Variants in AZI2 observed in about 807,000 individuals in gnomAD.
The protein encoded by AZI2 is 5-azacytidine-induced protein 2.
A neutral mutation model predicts 45.8 loss-of-function variants in AZI2; 22 were observed. The ratio of observed to expected loss-of-function variants is 0.48; its 90% CI spans 0.34 to 0.69. The LOEUF (loss-of-function observed/expected upper bound fraction) is 0.69, where lower values mean the gene tolerates loss of function less well. Ranked by LOEUF, AZI2 falls within the 30% of genes least tolerant of loss-of-function variation. AZI2 has a pLI of 0.01. For missense variants in AZI2, 417 were observed against 441.5 expected (o/e 0.94, Z 0.50); for synonymous variants, 137 against 156.7 (o/e 0.87, Z 0.94).
At position 28,338,019 on chromosome 3, in the gene AZI2, T is replaced by G. The variant is rs1048838143; in HGVS notation, c.357A>C (p.Glu119Asp). The G allele has an allele frequency of 1.3e-6, 2 of 1,585,764 alleles. No homozygotes were observed. The highest frequency in any genetic ancestry group is 2.7e-5 in the African/African-American group (2 of 74,118). Residue 119 changes from glutamate (E) to aspartate (D), a missense_variant, in exon 4 of 8, where the codon GAA (glutamate) becomes GAC (aspartate). Physicochemically the swap from Glu to Asp is conservative, Grantham distance 45. Coordinates refer to ENST00000479665, the MANE Select transcript of AZI2 (RefSeq NM_022461.5). The stretch of plus-strand genomic sequence containing the variant: ...GCTGCTCATTCAATACTTTCAAAGA[T>G]TCAGAGTTGTCTTTATTCTAGTTAA... The part of the protein sequence containing the change: ...KLDKMNKDNS[E>D]SLKVLNEQLQ...
intron 6 of AZI2, among the ~76,000 whole-genome samples, chr3:28,328,704 C>A (rs1009882810): frequency 5.3e-5 from 8 of 151,204 alleles, no homozygotes; most frequent in African/African-American, 1.9e-4. Context: ...GAATTTAAAA[C>A]TACAGATAGA....
intron 7 of AZI2, 125 bp downstream of exon 7, chr3:28,326,707 G>T: frequency 1.3e-6 from 1 of 793,630 alleles, no homozygotes; most frequent in East Asian, 2.5e-5. Context: ...GGTAGGCTGC[G>T]AATGTACTAT....
intron 5 of AZI2, among the ~76,000 whole-genome samples, chr3:28,336,267 T>C (rs1393043498): frequency 6.6e-6 from 1 of 152,108 alleles, no homozygotes; most frequent in Non-Finnish European, 1.5e-5. Flanking sequence ...GTATTAGTCT[T>C]TTGAAAATAA....
rs1703270835 is a variant in AZI2, at chr3:28,323,773, CAG to C, written c.*267_*268del. 1.5e-5 allele frequency: 4 copies of C among 261,078 alleles called. No homozygotes were observed. Among genetic ancestry groups the C allele is most frequent in the South Asian group, 3.1e-4 (2 of 6,410 alleles). 16.2% of individuals were successfully genotyped at this position (261,078 alleles called of 1,614,324 possible). A position where few individuals can be genotyped will look rare whatever the true frequency, so the allele number is the denominator to read the frequency against. ...AAAATTTTACAATTAATATAGAAGG[CAG>C]AGTTTTTTAAACACCTTAAGTTTAC... On this transcript the variant is annotated 3_prime_UTR_variant, in exon 8 of 8. Transcript: ENST00000479665.
intron 1 of AZI2, among the ~76,000 whole-genome samples, chr3:28,342,971 C>T (rs550238668): frequency 4.7e-4 from 72 of 152,036 alleles, no homozygotes; most frequent in African/African-American, 1.7e-3. Context: ...AAACAGATAC[C>T]CTGCAGTTTG....
rs1703861230 is a variant in AZI2, at chr3:28,337,951, A to G, written c.425T>C (p.Val142Ala). The G allele has an allele frequency of 6.3e-7, 1 of 1,579,384 alleles. No homozygotes were observed. The highest frequency in any genetic ancestry group is 1.7e-5 in the Admixed American group (1 of 57,274). The change falls in exon 4 of 8, where the codon GTG becomes GCG. Residue 142 changes from valine to alanine, a missense_variant. Physicochemically the swap from Val to Ala is moderately conservative, Grantham distance 64. Coordinates refer to ENST00000479665, the MANE Select transcript of AZI2 (RefSeq NM_022461.5). ...AACTGGCATACCCTGCTGAGTTTCCACCTCTGTCCTCAGCTGGAGGAGTTC... is the reference window on the plus strand; with the variant it reads ...AACTGGCATACCCTGCTGAGTTTCCGCCTCTGTCCTCAGCTGGAGGAGTTC... ...EVELLQLRTE[V>A]ETQQVMRNLN...
At position 28,321,500 on chromosome 3, in the gene AZI2, A is replaced by G. The variant is rs1057302765; in HGVS notation, c.*2542T>C. The G allele has an allele frequency of 2.0e-5, 3 of 151,484 alleles. No individual in the cohort carries two copies. The highest frequency in any genetic ancestry group is 3.4e-3 in the Middle Eastern group (1 of 294). 9.4% of individuals were successfully genotyped at this position (151,484 alleles called of 1,614,324 possible). A position where few individuals can be genotyped will look rare whatever the true frequency, so the allele number is the denominator to read the frequency against. On this transcript the variant is annotated 3_prime_UTR_variant, in exon 8 of 8. Coordinates refer to ENST00000479665, the MANE Select transcript of AZI2 (RefSeq NM_022461.5). Reference sequence around the variant, plus strand: ...ATTCATTGTAGCCTTCAGAATACCCATGTGTATCCATACTGAAGATTTTTT... The same window carrying G: ...ATTCATTGTAGCCTTCAGAATACCCGTGTGTATCCATACTGAAGATTTTTT...
intron 1 of AZI2, among the ~76,000 whole-genome samples, chr3:28,340,852 TAG>T (rs1484763454): frequency 1.2e-4 from 19 of 152,064 alleles, no homozygotes; most frequent in Admixed American, 1.1e-3. Context: ...AAATACCTCA[TAG>T]AGTCTTAAGA....
chr3:28,332,272 T>C (rs1703609327), intron 6 of AZI2, 97 bp downstream of exon 6: 3 of 1,076,258 alleles, frequency 2.8e-6, no homozygotes, highest in Non-Finnish European at 4.1e-6. Flanking sequence ...CCATTTTTTG[T>C]TTTTAAGGTT....
Position 28,322,250 on chromosome 3 carries a change from T to G in AZI2, c.*1792A>C, listed in dbSNP as rs566593795. 6.6e-6 allele frequency: 1 copy of G among 151,384 alleles called. No individual in the cohort carries two copies. The highest frequency in any genetic ancestry group is 6.6e-5 in the Admixed American group (1 of 15,134). The allele number at this position is 151,384 out of a possible 1,614,324, so 9.4% of individuals were successfully genotyped here. On this transcript the variant is annotated 3_prime_UTR_variant, in exon 8 of 8. Transcript: ENST00000479665. ...TTAAATGGAAAATAATTTTCTCCAC[T>G]CAAAAGCTGGTTTAACAAATGTCTA...
rs1225548299 is a variant in AZI2 at position 28,323,417 on chromosome 3, T to C, written c.*625A>G. 1 of 150,546 alleles carries C rather than the reference T, an allele frequency of 6.6e-6. No homozygotes were observed. The highest frequency in any genetic ancestry group is 6.7e-5 in the Admixed American group (1 of 14,962). The allele number at this position is 150,546 out of a possible 1,614,324, so 9.3% of individuals were successfully genotyped here. ...TGTGCTGGGACAAAGTTGGCTTCAG[T>C]GATCAGGTTGTTTCAAGTCTTAGAA... is the stretch of plus-strand genomic sequence containing the variant. On this transcript the variant is annotated 3_prime_UTR_variant, in exon 8 of 8. Coordinates refer to ENST00000479665, the MANE Select transcript of AZI2 (RefSeq NM_022461.5).
At chr3:28,330,797 T>C (rs1468092541) in intron 6 of AZI2, among the ~76,000 whole-genome samples, 1 of 151,410 alleles carries the variant, frequency 6.6e-6, no homozygotes, top group Non-Finnish European at 1.5e-5. Flanking sequence ...CACTGGAACA[T>C]GCTGTAATTA....
rs1703965429 is a variant in AZI2 at position 28,340,397 on chromosome 3, A to C, written c.216+5T>G. 6.5e-7 allele frequency: 1 copy of C among 1,529,536 alleles called. No individual in the cohort carries two copies. Among genetic ancestry groups the C allele is most frequent in the African/African-American group, 1.4e-5 (1 of 72,710 alleles). 94.7% of individuals were successfully genotyped at this position (1,529,536 alleles called of 1,614,324 possible). On this transcript the variant is annotated splice_donor_5th_base_variant and intron_variant, in intron 2 of 7. Transcript: ENST00000479665. Reference sequence around the variant, plus strand: ...AACGCAATGAAGGTAAAAGATAAAAATTACCTTTTCTTCCAAAAATCTTAT... The same window carrying C: ...AACGCAATGAAGGTAAAAGATAAAACTTACCTTTTCTTCCAAAAATCTTAT...
intron 6 of AZI2, 21 bp from the exon 7 acceptor site, chr3:28,326,971 A>G: frequency 1.3e-6 from 2 of 1,511,018 alleles, no homozygotes; most frequent in Non-Finnish European, 9.2e-7. Flanking sequence ...TTTTTTTACA[A>G]AAAGTTAATA....
chr3:28,326,652 T>G, intron 7 of AZI2, 180 bp downstream of exon 7: 2 of 653,564 alleles, frequency 3.1e-6, no homozygotes, highest in African/African-American at 1.8e-5. Context: ...AACACCTTTA[T>G]GTGTGAAGTT....
chr3:28,343,678 T>A (rs1313550006), intron 1 of AZI2, among the ~76,000 whole-genome samples: 1 of 152,012 alleles, frequency 6.6e-6, no homozygotes, highest in Non-Finnish European at 1.5e-5. Context: ...AACTGGGACC[T>A]GGAAAGGTAA....
At chr3:28,339,959 A>G (rs1440108062) in intron 2 of AZI2, among the ~76,000 whole-genome samples, 1 of 152,152 alleles carries the variant, frequency 6.6e-6, no homozygotes, top group Non-Finnish European at 1.5e-5. Context: ...TATTCCTATT[A>G]CATGTGTTAA....
At chr3:28,331,798 TAAGTA>T (rs2125645466) in intron 6 of AZI2, 1 of 1,528,018 alleles carries the variant, frequency 6.5e-7, no homozygotes, top group African/African-American at 1.4e-5. Flanking sequence ...TGAAGTTACT[TAAGTA>T]AAAATGATAC....
At position 28,323,539 on chromosome 3, in the gene AZI2, T is replaced by C. The variant is rs1703260785; in HGVS notation, c.*503A>G. On this transcript the variant is annotated 3_prime_UTR_variant, in exon 8 of 8. Coordinates refer to ENST00000479665, the MANE Select transcript of AZI2 (RefSeq NM_022461.5). ...ATTGAAACGCAATAGCATATAAAGATGGTATAACCTAAGATGCTTTTATTT... is the reference window on the plus strand; with the variant it reads ...ATTGAAACGCAATAGCATATAAAGACGGTATAACCTAAGATGCTTTTATTT... 1.3e-5 allele frequency: 2 copies of C among 151,572 alleles called. No individual in the cohort carries two copies. Among genetic ancestry groups the C allele is most frequent in the South Asian group, 4.1e-4 (2 of 4,834 alleles). The allele number at this position is 151,572 out of a possible 1,614,324, so 9.4% of individuals were successfully genotyped here.
Sources: allele counts gnomAD v4.1 joint callset (sites outside exome capture counted in the v4.1 genomes callset), GRCh38; gene constraint gnomAD v4.1.1; transcripts MANE v1.5; gene names NCBI Gene and HGNC (gene_info 2026-07-23, HGNC 2026-07-21).